GGNBP2: variants seen among roughly 807,000 people sequenced by gnomAD.
The protein encoded by GGNBP2 is gametogenetin-binding protein 2.
A neutral mutation model predicts 85.9 loss-of-function variants in GGNBP2; 10 were observed. The ratio of observed to expected loss-of-function variants is 0.12; its 90% CI spans 0.07 to 0.20. The LOEUF is 0.20. GGNBP2 is among the 10% of genes least tolerant of loss of function. The pLI is 1.00. For synonymous variants in GGNBP2, 287 were observed against 285.7 expected (o/e 1.00, Z -0.05); for missense variants, 595 against 857.8 (o/e 0.69, Z 3.83).
At chr17:36,554,352 ATTTTTTTTTTTTTTTTTTTT>A (rs780217291) in intron 2 of GGNBP2, among the ~76,000 whole-genome samples, 5 of 44,480 alleles carry the variant, frequency 1.1e-4, no homozygotes, top group African/African-American at 3.3e-4. Flanking sequence ...ATGTACTTGA[ATTTTTTTTTTTTTTTTTTTT>A]TTTTTTTTTT....
chr17:36,560,642 A>G, intron 4 of GGNBP2, 131 bp from the exon 5 acceptor site: 1 of 567,968 alleles, frequency 1.8e-6, no homozygotes, highest in Admixed American at 3.6e-5. Flanking sequence ...ACTGCTAGAT[A>G]CAGTGGGGAT....
chr17:36,556,729 A>C (rs1377366559), intron 3 of GGNBP2, among the ~76,000 whole-genome samples: 12 of 151,558 alleles, frequency 7.9e-5, no homozygotes, highest in Admixed American at 6.6e-4. Context: ...CAAACTTAAA[A>C]AAAAGGTACA....
intron 13 of GGNBP2, among the ~76,000 whole-genome samples, chr17:36,587,937 A>G (rs1327261315): frequency 1.3e-5 from 2 of 152,194 alleles, no homozygotes; most frequent in Non-Finnish European, 2.9e-5. Context: ...GACCATCTGT[A>G]GTTAGGAGAA....
intron 9 of GGNBP2, chr17:36,582,187 T>C (rs979531573): frequency 6.6e-6 from 1 of 152,128 alleles, no homozygotes; most frequent in African/African-American, 2.4e-5. Flanking sequence ...CCTCTTGTAT[T>C]CTTAAATTAT....
intron 5 of GGNBP2, among the ~76,000 whole-genome samples, chr17:36,563,749 C>CTT (rs577798628): frequency 3.6e-5 from 5 of 138,238 alleles, no homozygotes; most frequent in African/African-American, 5.3e-5. Flanking sequence ...CTTTCAAATT[C>CTT]TTTTTTTTTT....
intron 5 of GGNBP2, among the ~76,000 whole-genome samples, chr17:36,563,521 A>C (rs976229260): frequency 2.6e-5 from 4 of 151,362 alleles, no homozygotes; most frequent in Admixed American, 2.0e-4. Flanking sequence ...CATTGCCATC[A>C]TAACACCTAA....
At chr17:36,552,920 G>C (rs1230380913) in intron 2 of GGNBP2, among the ~76,000 whole-genome samples, 2 of 151,468 alleles carry the variant, frequency 1.3e-5, no homozygotes, top group Non-Finnish European at 2.9e-5. Flanking sequence ...TACTCAGGAG[G>C]CTGAGGCAGG....
chr17:36,576,602 T>C (rs2074589966), intron 6 of GGNBP2: 2 of 103,818 alleles, frequency 1.9e-5, no homozygotes, highest in Non-Finnish European at 3.5e-5. Context: ...TATATGTGTG[T>C]GTGTGTGTGT....
At chr17:36,555,005 A>T (rs938672960) in intron 3 of GGNBP2, 105 bp downstream of exon 3, 2 of 673,610 alleles carry the variant, frequency 3.0e-6, no homozygotes, top group Admixed American at 5.0e-5. Context: ...AGGTCTTAAT[A>T]TTGCACTGGA....
At chr17:36,551,603 G>A (rs1367837009) in intron 2 of GGNBP2, among the ~76,000 whole-genome samples, 2 of 151,732 alleles carry the variant, frequency 1.3e-5, no homozygotes, top group African/African-American at 2.4e-5. Context: ...CAGCACTTTT[G>A]GAGGCCTCGG....
In GGNBP2 at chr17:36,557,142, A is replaced by G. The variant is rs991866265; in HGVS notation, c.234A>G (p.Glu78=). The G allele has an allele frequency of 3.1e-6, 5 of 1,613,968 alleles. No homozygotes were observed. The highest frequency in any genetic ancestry group is 2.5e-6 in the Non-Finnish European group (3 of 1,180,028). The change falls in exon 4 of 14, where the codon GAA becomes GAG. Residue 78 remains glutamate (E), a synonymous_variant. Coordinates refer to ENST00000613102, the MANE Select transcript of GGNBP2 (RefSeq NM_024835.5). ...LSIAMVVTSR[E]VLSALSQLVP... is the part of the protein sequence containing the mutation. ...TTGCCATGGTGGTGACATCACGCGA[A>G]GTCCTGAGTGCACTTTCTCAGCTTG...
intron 5 of GGNBP2, among the ~76,000 whole-genome samples, chr17:36,563,267 G>GAAATAAAT (rs746688178): frequency 6.6e-6 from 1 of 151,606 alleles, no homozygotes; most frequent in Non-Finnish European, 1.5e-5. Context: ...ACTTTGTCTC[G>GAAATAAAT]AAATAAATAA....
intron 8 of GGNBP2, among the ~76,000 whole-genome samples, chr17:36,580,399 C>T (rs755487805): frequency 9.9e-5 from 15 of 151,346 alleles, no homozygotes; most frequent in Non-Finnish European, 2.1e-4. Context: ...TTAGTAGAGA[C>T]AGGGTTTCAC....
rs1415371079 is a variant in GGNBP2 at position 36,577,995 on chromosome 17, T to C, written c.654T>C (p.Asp218=). 6.2e-7 allele frequency: 1 copy of C among 1,613,452 alleles called. No homozygotes were observed. The highest frequency in any genetic ancestry group is 8.5e-7 in the Non-Finnish European group (1 of 1,179,502). ...TTCTTTTCAACAGGTTTTGCACTGATTGCAAAAATAAAGTCCTCCGAGCAT... is the reference window on the plus strand; with the variant it reads ...TTCTTTTCAACAGGTTTTGCACTGACTGCAAAAATAAAGTCCTCCGAGCAT... ...TYLRKHRFCT[D]CKNKVLRAYN... Residue 218 remains aspartate, a synonymous_variant, in exon 7 of 14, where the codon GAT becomes GAC. Transcript: ENST00000613102.
intron 2 of GGNBP2, among the ~76,000 whole-genome samples, chr17:36,552,986 C>G (rs2074324935): frequency 7.0e-6 from 1 of 143,394 alleles, no homozygotes. Context: ...TGTGCCACTG[C>G]ACTCCAGCCT....
At position 36,579,296 on chromosome 17, in the gene GGNBP2, G is replaced by A. The variant is rs1374483802; in HGVS notation, c.897G>A (p.Leu299=). 6.2e-7 allele frequency: 1 copy of A among 1,614,172 alleles called. No homozygotes were observed. Among genetic ancestry groups the A allele is most frequent in the East Asian group, 2.2e-5 (1 of 44,888 alleles). Residue 299 remains leucine (L), a synonymous_variant, in exon 8 of 14, where the codon CTG becomes CTA. Transcript: ENST00000613102. The stretch of plus-strand genomic sequence containing the variant: ...TAGATATAGCTCAAGAAGAAGTTCT[G>A]ACCTGCTTGGGAATTCATCTTTATG... ...KTIDIAQEEV[L]TCLGIHLYER... is the part of the protein sequence containing the mutation.
chr17:36,565,170 A>G (rs1246644571), intron 5 of GGNBP2, among the ~76,000 whole-genome samples: 2 of 152,236 alleles, frequency 1.3e-5, no homozygotes, highest in Non-Finnish European at 2.9e-5. Flanking sequence ...TCAAGGACCC[A>G]AAAGTGGACA....
At chr17:36,568,392 G>A (rs777891956) in intron 6 of GGNBP2, among the ~76,000 whole-genome samples, 3 of 151,946 alleles carry the variant, frequency 2.0e-5, no homozygotes, top group South Asian at 2.1e-4. Context: ...CGCCTCCCGC[G>A]TTCCAGCGGT....
intron 5 of GGNBP2, among the ~76,000 whole-genome samples, chr17:36,564,154 A>G (rs1567823598): frequency 1.3e-5 from 2 of 152,226 alleles, no homozygotes; most frequent in Non-Finnish European, 2.9e-5. Flanking sequence ...CTAAATGCAG[A>G]GTACAGGCTA....
Sources: gnomAD v4.1 joint callset for allele counts (sites outside exome capture counted in the v4.1 genomes callset) on GRCh38, gnomAD v4.1.1 for gene constraint, MANE v1.5 for transcripts, NCBI Gene and HGNC (gene_info 2026-07-23, HGNC 2026-07-21) for gene names.